Variants in DDAH1 observed in about 807,000 individuals in gnomAD.
DDAH1 encodes the protein N(G),N(G)-dimethylarginine dimethylaminohydrolase 1.
DDAH1 carries 19 observed loss-of-function variants against 28.8 expected under a neutral mutation model. That is an observed-to-expected ratio of 0.66 (90% confidence interval 0.46 to 0.97). The LOEUF is 0.97. Among genes scored for constraint, DDAH1 ranks in the 50% least tolerant of loss-of-function variants. The pLI, the probability that DDAH1 is intolerant of heterozygous loss-of-function variation, is 0.00. For missense variants in DDAH1, 326 were observed against 375.9 expected (o/e 0.87, Z 1.10); for synonymous variants, 153 against 154.4 (o/e 0.99, Z 0.07).
intron 1 of DDAH1, among the ~76,000 whole-genome samples, chr1:85,542,079 T>C (rs1282321553): frequency 2.0e-5 from 3 of 152,198 alleles, no homozygotes; most frequent in African/African-American, 7.2e-5. Context: ...TGCAAATGAA[T>C]AAACTGAGGC....
At chr1:85,510,534 A>T (rs1657186826) in intron 1 of DDAH1, among the ~76,000 whole-genome samples, 1 of 152,194 alleles carries the variant, frequency 6.6e-6, no homozygotes, top group African/African-American at 2.4e-5. Flanking sequence ...TAAATGCCCC[A>T]ATTAAAAGAC....
chr1:85,485,941 C>T (rs1217476915), intron 2 of DDAH1, among the ~76,000 whole-genome samples: 2 of 152,138 alleles, frequency 1.3e-5, no homozygotes, highest in Non-Finnish European at 2.9e-5. Context: ...AAAATCAACC[C>T]CTTTAGCTTG....
intron 4 of DDAH1, among the ~76,000 whole-genome samples, chr1:85,344,290 T>C (rs889522859): frequency 2.0e-5 from 3 of 152,018 alleles, no homozygotes; most frequent in African/African-American, 4.8e-5. Context: ...CAAAGAAAAC[T>C]ATAGCTGTAT....
At chr1:85,467,741 A>T (rs968518351), upstream of DDAH1, 1 of 152,236 alleles carries the variant, frequency 6.6e-6, no homozygotes, top group Admixed American at 6.5e-5. Context: ...AGCTTAATAC[A>T]TTGATATGTT....
At chr1:85,501,955 T>C (rs941230535) in intron 1 of DDAH1, among the ~76,000 whole-genome samples, 1 of 152,202 alleles carries the variant, frequency 6.6e-6, no homozygotes, top group Non-Finnish European at 1.5e-5. Flanking sequence ...ATTCTTTCAC[T>C]ACCTTCTCCT....
chr1:85,508,691 C>T (rs1470515566), intron 1 of DDAH1, among the ~76,000 whole-genome samples: 1 of 152,254 alleles, frequency 6.6e-6, no homozygotes, highest in Non-Finnish European at 1.5e-5. Context: ...CTCCGCAGGT[C>T]CCACACCCAT....
intron 2 of DDAH1, among the ~76,000 whole-genome samples, chr1:85,480,096 G>A (rs1447346916): frequency 6.6e-6 from 1 of 152,184 alleles, no homozygotes; most frequent in Non-Finnish European, 1.5e-5. Context: ...AACCCACTGT[G>A]GATGGTTCAA....
intron 1 of DDAH1, chr1:85,376,963 T>C (rs747407744): frequency 1.3e-5 from 2 of 152,186 alleles, no homozygotes; most frequent in Non-Finnish European, 2.9e-5. Flanking sequence ...CTTTACCAAA[T>C]ATTAAGTGAT....
intron 1 of DDAH1, among the ~76,000 whole-genome samples, chr1:85,540,247 A>G (rs1658432496): frequency 6.6e-6 from 1 of 152,180 alleles, no homozygotes; most frequent in African/African-American, 2.4e-5. Context: ...CTGGGGTTAC[A>G]CCTTTTAGTC....
At chr1:85,519,538 G>A (rs1374904672) in intron 1 of DDAH1, among the ~76,000 whole-genome samples, 1 of 152,106 alleles carries the variant, frequency 6.6e-6, no homozygotes, top group Non-Finnish European at 1.5e-5. Context: ...TTCCAAACCA[G>A]TGTGGAAACA....
intron 1 of DDAH1, among the ~76,000 whole-genome samples, chr1:85,418,118 C>A (rs192542632): frequency 6.6e-6 from 1 of 152,202 alleles, no homozygotes; most frequent in Non-Finnish European, 1.5e-5. Flanking sequence ...TCTTTTTGAA[C>A]CTCATTTGCT....
chr1:85,511,645 A>G (rs1466427909), intron 1 of DDAH1, among the ~76,000 whole-genome samples: 4 of 152,228 alleles, frequency 2.6e-5, no homozygotes, highest in Admixed American at 2.0e-4. Flanking sequence ...CAATAGATGC[A>G]ATAAAAAATG....
At chr1:85,414,001 C>T (rs1652774254) in intron 1 of DDAH1, among the ~76,000 whole-genome samples, 1 of 152,154 alleles carries the variant, frequency 6.6e-6, no homozygotes, top group Non-Finnish European at 1.5e-5. Flanking sequence ...AAAATAATAA[C>T]AGATGACATT....
rs1233575770 is a variant in DDAH1, at chr1:85,401,495, T to C, written c.304-42648A>G. On this transcript the variant is annotated intron_variant, in intron 1 of 5. Transcript: ENST00000284031. Reference sequence around the variant, plus strand: ...AGACGCAGCTTTTCTTTTTTCTTTTTTCTTTCTTTTTTTTTTTTTTTTTGA... The same window carrying C: ...AGACGCAGCTTTTCTTTTTTCTTTTCTCTTTCTTTTTTTTTTTTTTTTTGA... Among the ~76,000 whole-genome samples the C allele has an allele frequency of 2.3e-5, 3 of 129,178 alleles. No individual in the cohort carries two copies. In the Admixed American group the frequency reaches 3.0e-4, roughly 13 times the overall value. 84.7% of individuals were successfully genotyped at this position (129,178 alleles called of 152,430 possible).
intron 1 of DDAH1, among the ~76,000 whole-genome samples, chr1:85,385,436 C>T (rs1199422575): frequency 2.0e-5 from 3 of 152,184 alleles, no homozygotes; most frequent in Admixed American, 2.0e-4. Context: ...AAGAAAGCAA[C>T]CTCATTTTAA....
rs952969083 is a variant in DDAH1, at chr1:85,465,123, G to C, written c.-78C>G. The C allele has an allele frequency of 8.5e-7, 1 of 1,176,244 alleles. No individual in the cohort carries two copies. The highest frequency in any genetic ancestry group is 1.6e-5 in the African/African-American group (1 of 62,102). 72.9% of individuals were successfully genotyped at this position (1,176,244 alleles called of 1,614,324 possible). ...CGCGGGCAGCGCGCGCTGAGCCTGC[G>C]AGCGCCCGTCGGCTCCTCTTGGCAG... On this transcript the variant is annotated 5_prime_UTR_variant, in exon 1 of 6. Transcript: ENST00000284031.
At chr1:85,479,874 AT>A (rs750577951) in intron 2 of DDAH1, among the ~76,000 whole-genome samples, 9 of 152,102 alleles carry the variant, frequency 5.9e-5, no homozygotes, top group South Asian at 2.1e-4. Flanking sequence ...AGGTCACAAA[AT>A]TCTGATTTGG....
In DDAH1 at chr1:85,440,480, T is replaced by C. The variant is rs145109442; in HGVS notation, c.303+24263A>G. 7.2e-5 allele frequency among the ~76,000 whole-genome samples: 11 copies of C among 152,306 alleles called. No individual in the cohort carries two copies. In the East Asian group the frequency reaches 2.1e-3, roughly 29 times the overall value. ...AGAGGTGAGTAGCCGGGAAAGACTG[T>C]TATATGGGTCTATGAATTATCTTCT... On this transcript the variant is annotated intron_variant, in intron 1 of 5. Coordinates refer to ENST00000284031, the MANE Select transcript of DDAH1 (RefSeq NM_012137.4).
At chr1:85,465,327 GC>G, upstream of DDAH1, 1 of 555,880 alleles carries the variant, frequency 1.8e-6, no homozygotes, top group Non-Finnish European at 2.3e-6. Flanking sequence ...GAGGAGTGGG[GC>G]CAGGAGAGGC....
Sources: gnomAD v4.1 joint callset for allele counts (sites outside exome capture counted in the v4.1 genomes callset) on GRCh38, gnomAD v4.1.1 for gene constraint, MANE v1.5 for transcripts, NCBI Gene and HGNC (gene_info 2026-07-23, HGNC 2026-07-21) for gene names.